The following LRRC37A2 variants were observed in gnomAD, a reference collection of about 807,000 sequenced individuals.
The protein encoded by LRRC37A2 is leucine rich repeat containing 37 member A2.
In LRRC37A2, 9 loss-of-function variants were observed where a neutral mutation model predicts 68.8. The ratio of observed to expected loss-of-function variants is 0.13; its 90% CI spans 0.08 to 0.23. The LOEUF (loss-of-function observed/expected upper bound fraction) is 0.23. Ranked by LOEUF, LRRC37A2 falls within the 10% of genes least tolerant of loss-of-function variation. The pLI is 1.00. For synonymous variants in LRRC37A2, 63 were observed against 367.6 expected (o/e 0.17, Z 9.48); for missense variants, 168 against 950.4 (o/e 0.18, Z 10.82).
chr17:46,735,595 ACT>A, the LRRC37A2 span, among the ~76,000 whole-genome samples: 2 of 151,932 alleles, frequency 1.3e-5, no homozygotes, highest in Non-Finnish European at 2.9e-5. Context: ...TGTGTTACCT[ACT>A]CTGTTGAGGG....
the LRRC37A2 span, among the ~76,000 whole-genome samples, chr17:46,490,512 C>T: frequency 6.6e-6 from 1 of 150,892 alleles, no homozygotes; most frequent in Admixed American, 6.6e-5. Context: ...TGCCTGAGCT[C>T]GAGAGTTGGA....
At chr17:46,796,580 G>C in the LRRC37A2 span, among the ~76,000 whole-genome samples, 1 of 152,242 alleles carries the variant, frequency 6.6e-6, no homozygotes, top group African/African-American at 2.4e-5. Context: ...GGGGCACACA[G>C]AGAGGCAAGC....
At chr17:46,543,895 T>G (rs2055881912) in intron 8 of LRRC37A2, among the ~76,000 whole-genome samples, 1 of 148,316 alleles carries the variant, frequency 6.7e-6, no homozygotes, top group Non-Finnish European at 1.5e-5. Flanking sequence ...AGAGAGAGGG[T>G]TGCTTGTGCC....
chr17:46,807,268 A>T, the LRRC37A2 span, among the ~76,000 whole-genome samples: 1 of 152,226 alleles, frequency 6.6e-6, no homozygotes, highest in African/African-American at 2.4e-5. Context: ...GGATCACTTG[A>T]TGTCAGGAGT....
the LRRC37A2 span, among the ~76,000 whole-genome samples, chr17:47,003,197 T>C: frequency 8.8e-3 from 1,190 of 134,666 alleles, 25 homozygotes; most frequent in African/African-American, 0.032. Flanking sequence ...GAGGCTTCAG[T>C]GAGTCGTGAT....
chr17:47,019,534 A>G, the LRRC37A2 span: 2 of 1,512,638 alleles, frequency 1.3e-6, no homozygotes, highest in Non-Finnish European at 9.2e-7. Flanking sequence ...GATCAGCTTC[A>G]GACTCTGCAT....
the LRRC37A2 span, among the ~76,000 whole-genome samples, chr17:46,498,899 A>G: frequency 2.0e-5 from 3 of 150,976 alleles, no homozygotes; most frequent in Non-Finnish European, 4.4e-5. Flanking sequence ...ATATCTACAT[A>G]TATATACATA....
the LRRC37A2 span, among the ~76,000 whole-genome samples, chr17:46,489,473 T>TTTTGTTTG: frequency 3.5e-5 from 5 of 143,404 alleles, no homozygotes; most frequent in African/African-American, 1.4e-4. Context: ...CTTGTTTGTT[T>TTTTGTTTG]TTTGTTTGTT....
the LRRC37A2 span, among the ~76,000 whole-genome samples, chr17:47,030,888 A>G: frequency 9.8e-5 from 15 of 152,300 alleles, no homozygotes; most frequent in South Asian, 2.9e-3. Flanking sequence ...ACAAACAAAA[A>G]AAGAGGCCCC....
chr17:46,800,245 G>A, the LRRC37A2 span, among the ~76,000 whole-genome samples: 3 of 152,138 alleles, frequency 2.0e-5, no homozygotes, highest in Non-Finnish European at 4.4e-5. Context: ...CGAGTAGCTG[G>A]CATTACAGCT....
chr17:46,739,997 G>GAAATT, the LRRC37A2 span, among the ~76,000 whole-genome samples: 1 of 152,176 alleles, frequency 6.6e-6, no homozygotes, highest in Non-Finnish European at 1.5e-5. Context: ...GATTTTAAAA[G>GAAATT]AAATTAGAAT....
At chr17:46,750,549 G>A in the LRRC37A2 span, among the ~76,000 whole-genome samples, 1 of 152,156 alleles carries the variant, frequency 6.6e-6, no homozygotes, top group East Asian at 1.9e-4. Flanking sequence ...TTTTGGATTA[G>A]GGATACTCAA....
the LRRC37A2 span, among the ~76,000 whole-genome samples, chr17:46,746,694 G>A: frequency 6.6e-6 from 1 of 152,154 alleles, no homozygotes; most frequent in Non-Finnish European, 1.5e-5. Context: ...GGCAGTATAT[G>A]ATTTAGGTCT....
the LRRC37A2 span, among the ~76,000 whole-genome samples, chr17:47,044,215 CT>C: frequency 2.7e-5 from 4 of 147,706 alleles, no homozygotes; most frequent in African/African-American, 7.5e-5. Context: ...TTGCTATCCA[CT>C]TTTTTTTTCC....
At chr17:47,019,550 A>C in the LRRC37A2 span, 121 of 1,494,680 alleles carry the variant, frequency 8.1e-5, 1 homozygote, top group South Asian at 4.2e-4. Context: ...TGCATCGAAA[A>C]CTGACTGAAG....
the LRRC37A2 span, among the ~76,000 whole-genome samples, chr17:46,497,954 G>T: frequency 6.7e-6 from 1 of 150,102 alleles, no homozygotes; most frequent in Non-Finnish European, 1.5e-5. Context: ...TTTTGAGACA[G>T]AGTCTCACTC....
At chr17:46,854,112 A>G in the LRRC37A2 span, among the ~76,000 whole-genome samples, 1 of 152,238 alleles carries the variant, frequency 6.6e-6, no homozygotes, top group African/African-American at 2.4e-5. Flanking sequence ...GGAGCAGGAC[A>G]GATGCTCAGA....
the LRRC37A2 span, chr17:46,876,519 G>C: frequency 6.2e-7 from 1 of 1,613,578 alleles, no homozygotes; most frequent in Non-Finnish European, 8.5e-7. Context: ...AGCTTCTGCC[G>C]GCCCAGCAAG....
At chr17:46,912,868 G>T in the LRRC37A2 span, among the ~76,000 whole-genome samples, 1 of 152,238 alleles carries the variant, frequency 6.6e-6, no homozygotes, top group Non-Finnish European at 1.5e-5. Context: ...AAGGCCAGAT[G>T]ATCCAGCAGC....
Sources: allele counts gnomAD v4.1 joint callset (sites outside exome capture counted in the v4.1 genomes callset), GRCh38; gene constraint gnomAD v4.1.1; transcripts MANE v1.5; gene names NCBI Gene and HGNC (gene_info 2026-07-23, HGNC 2026-07-21).